KCNQ1: variants seen among roughly 807,000 people sequenced by gnomAD.
KCNQ1 encodes potassium voltage-gated channel subfamily Q member 1.
In KCNQ1, 49 loss-of-function variants were observed where a neutral mutation model predicts 72.4. The ratio of observed to expected loss-of-function variants is 0.68; its 90% confidence interval spans 0.54 to 0.86. The LOEUF (loss-of-function observed/expected upper bound fraction) is 0.86, where lower values mean the gene tolerates loss of function less well. Ranked by LOEUF, KCNQ1 falls within the 40% of genes least tolerant of loss-of-function variation. The pLI is 0.00. For synonymous variants in KCNQ1, 450 were observed against 412.6 expected, an observed-to-expected ratio of 1.09 and a Z score of -1.10; for missense variants, 790 against 945.1, an observed-to-expected ratio of 0.84 and a Z score of 2.15.
intron 3 of KCNQ1, 41 bp from the exon 4 acceptor site, chr11:2,571,284 G>A (rs1488716409): frequency 2.0e-6 from 3 of 1,527,090 alleles, no homozygotes; most frequent in Admixed American, 1.7e-5. Flanking sequence ...GGCCCTGGCT[G>A]TGGCGATCAC....
chr11:2,584,365 GTA>G (rs1403161416), intron 7 of KCNQ1, among the ~76,000 whole-genome samples: 1 of 152,016 alleles, frequency 6.6e-6, no homozygotes, highest in East Asian at 1.9e-4. Flanking sequence ...ATGTTTTAGT[GTA>G]TGTTAGTGTG....
At chr11:2,732,846 C>T (rs535666901) in intron 11 of KCNQ1, among the ~76,000 whole-genome samples, 2 of 152,164 alleles carry the variant, frequency 1.3e-5, no homozygotes, top group South Asian at 4.2e-4. Flanking sequence ...GAGGGGACCC[C>T]TGCCCTGGCG....
At chr11:2,802,432 C>T (rs925048603) in intron 15 of KCNQ1, among the ~76,000 whole-genome samples, 3 of 152,210 alleles carry the variant, frequency 2.0e-5, no homozygotes, top group Non-Finnish European at 2.9e-5. Context: ...CATCCTCGGG[C>T]GCAGGCAGCC....
chr11:2,838,193 G>T lies in KCNQ1; in HGVS notation c.1795-9574G>T, dbSNP rs553592018. Among the ~76,000 whole-genome samples, 430 of 152,372 alleles carry T rather than the reference G, an allele frequency of 2.8e-3. 1 individual carries two copies. Among genetic ancestry groups the T allele is most frequent in the Non-Finnish European group, 4.7e-3 (320 of 68,030 alleles). ...GACCAGGCAGACAGAGGTGGGGATG[G>T]AAGGAAGCCAGACTGACCTCACGTG... On this transcript the variant is annotated intron_variant, in intron 15 of 15. Transcript: ENST00000155840.
At chr11:2,572,765 G>C (rs1848357396) in intron 5 of KCNQ1, 81 bp from the exon 6 acceptor site, 1 of 1,584,678 alleles carries the variant, frequency 6.3e-7, no homozygotes, top group Non-Finnish European at 8.6e-7. Context: ...TGATCGCTGG[G>C]ACTCGCTGCC....
At chr11:2,835,384 T>C (rs77886408) in intron 15 of KCNQ1, among the ~76,000 whole-genome samples, 3,346 of 134,082 alleles carry the variant, frequency 0.025, 121 homozygotes, top group African/African-American at 0.085. Flanking sequence ...GACACCTGCA[T>C]ATAAACCCTG....
rs115473268 is a variant in KCNQ1 at position 2,690,861 on chromosome 11, G to C, written c.1514+28780G>C. 5.2e-3 allele frequency: 2,089 copies of C among 398,608 alleles called. 39 individuals are homozygous for C. The highest frequency in any genetic ancestry group is 0.034 in the African/African-American group (1,659 of 48,724). The allele number at this position is 398,608 out of a possible 1,614,324, so 24.7% of individuals were successfully genotyped here. On this transcript the variant is annotated intron_variant, in intron 11 of 15. Transcript: ENST00000155840. This position sits in a 1 kb window ranked among gnomAD's most constrained non-coding sequence, Gnocchi z 5.1. Reference sequence around the variant, plus strand: ...CCACTGTTAGGAACAGGTACCTTTAGGGACACAGGAGTGTAAGCCACTGTT... The same window carrying C: ...CCACTGTTAGGAACAGGTACCTTTACGGACACAGGAGTGTAAGCCACTGTT...
chr11:2,696,527 GTTCAGTTGGCA>G (rs1410524723), intron 11 of KCNQ1: 2 of 398,546 alleles, frequency 5.0e-6, no homozygotes, highest in Non-Finnish European at 8.8e-6. Context: ...CTTTTCAAAA[GTTCAGTTGGCA>G]TTTACAAATA....
chr11:2,612,878 A>G lies in KCNQ1; in HGVS notation c.1393+24024A>G. 2.5e-6 allele frequency: 1 copy of G among 398,558 alleles called. No homozygotes were observed. Among genetic ancestry groups the G allele is most frequent in the East Asian group, 3.6e-5 (1 of 28,074 alleles). The allele number at this position is 398,558 out of a possible 1,614,324, so 24.7% of individuals were successfully genotyped here. On this transcript the variant is annotated intron_variant, in intron 10 of 15. Coordinates refer to ENST00000155840, the MANE Select transcript of KCNQ1 (RefSeq NM_000218.3). This position sits in a 1 kb window ranked among gnomAD's most constrained non-coding sequence, Gnocchi z 5.5. ...TGGATTCTAGTTCTTCTCCCTAACC[A>G]GGGATGATTTCTGTTACTCATTTAT... is the stretch of plus-strand genomic sequence containing the variant.
chr11:2,532,602 G>A (rs1187192762), intron 2 of KCNQ1, among the ~76,000 whole-genome samples: 2 of 152,208 alleles, frequency 1.3e-5, no homozygotes, highest in African/African-American at 4.8e-5. Context: ...TGGGCTCTGG[G>A]TGGGGAGACA....
At chr11:2,662,319 T>C (rs1265172300) in intron 11 of KCNQ1, 1 of 584,600 alleles carries the variant, frequency 1.7e-6, no homozygotes, top group African/African-American at 1.9e-5. Context: ...AAAACCAGAC[T>C]GATCATTTTC....
chr11:2,624,506 T>C lies in KCNQ1; in HGVS notation c.1393+35652T>C. The stretch of plus-strand genomic sequence containing the variant: ...AGCCATCACCAAACTAAAGATCATC[T>C]AGATTTCTTCCTATGTTATCTTCTG... On this transcript the variant is annotated intron_variant, in intron 10 of 15. Coordinates refer to ENST00000155840, the MANE Select transcript of KCNQ1 (RefSeq NM_000218.3). This position sits in a 1 kb window ranked among gnomAD's most constrained non-coding sequence, Gnocchi z 4.9. 2.5e-6 allele frequency: 1 copy of C among 398,532 alleles called. No individual in the cohort carries two copies. 24.7% of individuals were successfully genotyped at this position (398,532 alleles called of 1,614,324 possible). A position where few individuals can be genotyped will look rare whatever the true frequency, so the allele number is the denominator to read the frequency against.
chr11:2,663,077 G>C lies in KCNQ1; in HGVS notation c.1514+996G>C. The C allele has an allele frequency of 2.5e-6, 1 of 398,774 alleles. No individual in the cohort carries two copies. The highest frequency in any genetic ancestry group is 4.4e-6 in the Non-Finnish European group (1 of 226,178). 24.7% of individuals were successfully genotyped at this position (398,774 alleles called of 1,614,324 possible). ...GAGAACTGGCAGGGTTGGGTAGCCA[G>C]AATGAGGCCACCTCCAGGGAAGGAG... is the stretch of plus-strand genomic sequence containing the variant. On this transcript the variant is annotated intron_variant, in intron 11 of 15. Coordinates refer to ENST00000155840, the MANE Select transcript of KCNQ1 (RefSeq NM_000218.3). The surrounding 1 kb of genome is among the most constrained non-coding windows in gnomAD (Gnocchi z 5.2).
chr11:2,801,965 GC>G (rs1384862418), intron 15 of KCNQ1, among the ~76,000 whole-genome samples: 11 of 152,382 alleles, frequency 7.2e-5, no homozygotes, highest in African/African-American at 2.6e-4. Flanking sequence ...CACAGAAAAA[GC>G]CAGAGCAGGG....
intron 11 of KCNQ1, chr11:2,675,369 T>C (rs768329604): frequency 5.0e-5 from 20 of 398,438 alleles, no homozygotes; most frequent in Non-Finnish European, 8.4e-5. Context: ...CGTGTGTGCA[T>C]TAGAAAACAT....
intron 10 of KCNQ1, chr11:2,649,565 T>C (rs952237908): frequency 3.0e-5 from 12 of 398,592 alleles, no homozygotes; most frequent in Non-Finnish European, 4.9e-5. Context: ...TTGCTGGGTA[T>C]AGTATTTGTG....
intron 2 of KCNQ1, among the ~76,000 whole-genome samples, chr11:2,532,971 G>A (rs1267836123): frequency 3.3e-5 from 5 of 152,206 alleles, no homozygotes; most frequent in Non-Finnish European, 7.4e-5. Flanking sequence ...GGGCGCTCGT[G>A]CTACATGCAA....
rs199472792 is a variant in KCNQ1 at position 2,768,905 on chromosome 11, A to C, written c.1576A>C (p.Lys526Gln). ...VIRRMQYFVA[K>Q]KKFQQARKPY... ...TCGACGCATGCAGTACTTTGTGGCC[A>C]AGAAGAAATTCCAGGTAAGCCCTGT... The change falls in exon 12 of 16, where the codon AAG (lysine) becomes CAG (glutamine). Residue 526 changes from lysine (K) to glutamine (Q), a missense_variant. This residue lies in a region of KCNQ1 where 91 missense variants were observed against 139.1 expected (regional missense o/e 0.65). Transcript: ENST00000155840. This position sits in a 1 kb window ranked among gnomAD's most constrained non-coding sequence, Gnocchi z 6.7. 2.5e-6 allele frequency: 4 copies of C among 1,613,924 alleles called. No individual in the cohort carries two copies. In the South Asian group the frequency reaches 4.4e-5, roughly 18 times the overall value.
intron 10 of KCNQ1, chr11:2,636,769 C>G (rs1409248295): frequency 6.6e-6 from 1 of 152,252 alleles, no homozygotes; most frequent in East Asian, 1.9e-4. Flanking sequence ...AGTACCAGCT[C>G]CTCCTTGTAC....
Sources: allele counts gnomAD v4.1 joint callset (sites outside exome capture counted in the v4.1 genomes callset), GRCh38; gene constraint gnomAD v4.1.1; regional missense constraint gnomAD v4.1.1; non-coding constraint Gnocchi (gnomAD v3.1); transcripts MANE v1.5; gene names NCBI Gene and HGNC (gene_info 2026-07-23, HGNC 2026-07-21).